USH2A: variants seen among roughly 807,000 people sequenced by gnomAD.
USH2A encodes the protein Usher syndrome 2A (autosomal recessive, mild).
Under a neutral mutation model 538.9 loss-of-function variants are expected in USH2A, and 443 were observed. The ratio of observed to expected loss-of-function variants is 0.82; its 90% CI spans 0.76 to 0.89. The LOEUF is 0.89. Among genes scored for constraint, USH2A ranks in the 40% least tolerant of loss-of-function variants. The pLI, the probability that USH2A is intolerant of heterozygous loss-of-function variation, is 0.00. For synonymous variants in USH2A, 2,413 were observed against 2,273.5 expected (o/e 1.06, Z -1.75); for missense variants, 6,633 against 6,324.8 (o/e 1.05, Z -1.65).
chr1:216,194,494 T>C (rs542048103), intron 19 of USH2A, among the ~76,000 whole-genome samples: 1 of 152,280 alleles, frequency 6.6e-6, no homozygotes, highest in South Asian at 2.1e-4. Context: ...ACCTTGACAG[T>C]ATTCTTTATA....
intron 47 of USH2A, among the ~76,000 whole-genome samples, chr1:215,820,665 A>G (rs1341957770): frequency 6.6e-6 from 1 of 151,736 alleles, no homozygotes; most frequent in Non-Finnish European, 1.5e-5. Flanking sequence ...TTACTGATCT[A>G]TCAAATACTA....
At chr1:216,106,243 T>C (rs1571965736) in intron 21 of USH2A, among the ~76,000 whole-genome samples, 1 of 147,684 alleles carries the variant, frequency 6.8e-6, no homozygotes, top group South Asian at 2.1e-4. Context: ...ATATATTGTA[T>C]ATATATTTTG....
rs185652954 is a variant in USH2A, at chr1:215,773,595, C to A, written c.10939+6248G>T. On this transcript the variant is annotated intron_variant, in intron 55 of 71. Transcript: ENST00000307340. ...TCTCTCCTTTCTTCTATTAAACTTT[C>A]CACTCCTTAACACACCCACATGTGT... Among the ~76,000 whole-genome samples, 14 of 151,804 alleles carry A rather than the reference C, an allele frequency of 9.2e-5. No individual in the cohort carries two copies. In the East Asian group the frequency reaches 2.7e-3, roughly 30 times the overall value.
At chr1:215,948,797 CATCTT>C (rs1666823178) in intron 37 of USH2A, among the ~76,000 whole-genome samples, 1 of 152,056 alleles carries the variant, frequency 6.6e-6, no homozygotes, top group African/African-American at 2.4e-5. Flanking sequence ...ATATTTGAAA[CATCTT>C]ATATTTACTT....
At chr1:215,647,304 A>G (rs570688542) in intron 67 of USH2A, among the ~76,000 whole-genome samples, 10 of 152,282 alleles carry the variant, frequency 6.6e-5, no homozygotes, top group African/African-American at 2.4e-4. Flanking sequence ...CCCTATCCCC[A>G]CAAGAAAATC....
chr1:215,795,983 A>G (rs1285017869), intron 50 of USH2A, among the ~76,000 whole-genome samples: 1 of 149,776 alleles, frequency 6.7e-6, no homozygotes, highest in Admixed American at 6.7e-5. Flanking sequence ...AATCTATAAC[A>G]TTCTAACATA....
intron 9 of USH2A, among the ~76,000 whole-genome samples, chr1:216,299,523 G>A (rs527374891): frequency 6.6e-6 from 1 of 152,068 alleles, no homozygotes; most frequent in East Asian, 1.9e-4. Flanking sequence ...ACCGGTGGGT[G>A]GTAGGTTTAC....
intron 47 of USH2A, 48 bp downstream of exon 47, chr1:215,837,943 T>C: frequency 7.0e-7 from 1 of 1,426,536 alleles, no homozygotes; most frequent in Non-Finnish European, 9.9e-7. Flanking sequence ...TTATTTTCAT[T>C]TCTTCTGATC....
chr1:215,625,925 T>A, intron 71 of USH2A, 55 bp from the exon 72 acceptor site: 1 of 1,504,680 alleles, frequency 6.6e-7, no homozygotes, highest in Non-Finnish European at 9.2e-7. Flanking sequence ...TAGTATTTGC[T>A]ATCAATTTAT....
intron 19 of USH2A, among the ~76,000 whole-genome samples, chr1:216,194,839 T>C (rs400358): frequency 0.96 from 145,543 of 152,160 alleles, 69,646 homozygotes; most frequent in African/African-American, 0.99. Flanking sequence ...GTTTTGAGTG[T>C]ATCCCAGAGG....
At chr1:215,918,155 TA>T (rs1666008612) in intron 38 of USH2A, among the ~76,000 whole-genome samples, 1 of 152,088 alleles carries the variant, frequency 6.6e-6, no homozygotes, top group Non-Finnish European at 1.5e-5. Context: ...AGATTGGTTA[TA>T]AAAGTCATTG....
At chr1:216,255,051 G>A (rs991043640) in intron 11 of USH2A, among the ~76,000 whole-genome samples, 6 of 152,126 alleles carry the variant, frequency 3.9e-5, no homozygotes, top group Non-Finnish European at 8.8e-5. Flanking sequence ...TACAGATAAA[G>A]CAGTACAATT....
At chr1:215,738,476 A>G (rs1205373166) in intron 60 of USH2A, among the ~76,000 whole-genome samples, 1 of 152,158 alleles carries the variant, frequency 6.6e-6, no homozygotes, top group Non-Finnish European at 1.5e-5. Flanking sequence ...CGTTTTTGAA[A>G]TTATAAACAT....
intron 19 of USH2A, among the ~76,000 whole-genome samples, chr1:216,190,880 T>C (rs2034701739): frequency 6.6e-6 from 1 of 152,068 alleles, no homozygotes; most frequent in Non-Finnish European, 1.5e-5. Flanking sequence ...ATTAAGCATA[T>C]TACTGAGCAT....
intron 12 of USH2A, 35 bp from the exon 13 acceptor site, chr1:216,247,261 G>C (rs776876860): frequency 1.2e-6 from 2 of 1,610,684 alleles, no homozygotes; most frequent in Non-Finnish European, 1.7e-6. Context: ...GTGAGGATGG[G>C]AAAATGATTT....
intron 13 of USH2A, among the ~76,000 whole-genome samples, chr1:216,240,399 GA>G (rs1281813159): frequency 6.6e-6 from 1 of 152,020 alleles, no homozygotes; most frequent in African/African-American, 2.4e-5. Flanking sequence ...GGTCGAACAT[GA>G]GTCTAGATGT....
At chr1:216,415,038 A>T (rs904417225) in intron 3 of USH2A, among the ~76,000 whole-genome samples, 2 of 152,110 alleles carry the variant, frequency 1.3e-5, no homozygotes, top group Non-Finnish European at 2.9e-5. Flanking sequence ...TTTGTCCAGA[A>T]AATCTAGCAA....
intron 3 of USH2A, among the ~76,000 whole-genome samples, chr1:216,408,469 A>T (rs765541798): frequency 6.6e-6 from 1 of 152,140 alleles, no homozygotes; most frequent in Non-Finnish European, 1.5e-5. Context: ...TACATACCCA[A>T]GATAAAGTTT....
At chr1:215,835,364 G>C (rs1663447535) in intron 47 of USH2A, among the ~76,000 whole-genome samples, 1 of 151,884 alleles carries the variant, frequency 6.6e-6, no homozygotes, top group Admixed American at 6.6e-5. Context: ...TTCCTATCTG[G>C]AGGTGTTTAT....
Sources: gnomAD v4.1 joint callset for allele counts (sites outside exome capture counted in the v4.1 genomes callset) on GRCh38, gnomAD v4.1.1 for gene constraint, MANE v1.5 for transcripts, NCBI Gene and HGNC (gene_info 2026-07-23, HGNC 2026-07-21) for gene names.